Variants in NOL10 observed in about 807,000 individuals in gnomAD.
NOL10 encodes nucleolar protein 10.
In NOL10, 58 loss-of-function variants were observed where a neutral mutation model predicts 103.5. The ratio of observed to expected loss-of-function variants is 0.56; its 90% CI spans 0.45 to 0.70. The LOEUF is 0.70. Ranked by LOEUF, NOL10 falls within the 30% of genes least tolerant of loss-of-function variation. The probability of loss-of-function intolerance (pLI) is 0.00; values close to 1 mark genes in which losing one functional copy is unlikely to be tolerated. For synonymous variants in NOL10, 287 were observed against 282.5 expected, an observed-to-expected ratio of 1.02 and a Z score of -0.16; for missense variants, 763 against 807.3, an observed-to-expected ratio of 0.95 and a Z score of 0.67.
Position 10,587,172 on chromosome 2 carries a change from T to TATATATAC in NOL10, c.1844+1863_1844+1870dup, listed in dbSNP as rs1558270507. Among the ~76,000 whole-genome samples, 88 of 22,594 alleles carry TATATATAC rather than the reference T, an allele frequency of 3.9e-3. 25 individuals are homozygous for TATATATAC. Among genetic ancestry groups the TATATATAC allele is most frequent in the Non-Finnish European group, 6.6e-3 (60 of 9,038 alleles). The allele number at this position is 22,594 out of a possible 152,430, so 14.8% of individuals were successfully genotyped here. On this transcript the variant is annotated intron_variant, in intron 19 of 20. Coordinates refer to ENST00000381685, the MANE Select transcript of NOL10 (RefSeq NM_024894.4). Reference sequence around the variant, plus strand: ...ATACATATATACACATATATACACATATATATACACATATATATACACATA... The same window carrying TATATATAC: ...ATACATATATACACATATATACACATATATATACATATATACACATATATATACACATA...
rs1241990330 is a variant in NOL10, at chr2:10,682,872, C to T, written c.113-803G>A. Among the ~76,000 whole-genome samples, 3 of 152,180 alleles carry T rather than the reference C, an allele frequency of 2.0e-5. No homozygotes were observed. In the South Asian group the frequency reaches 6.2e-4, roughly 31 times the overall value. On this transcript the variant is annotated intron_variant, in intron 2 of 20. Transcript: ENST00000381685. ...CAATCCTGGCTCACAGCAACCTCCA[C>T]CTCCCAGGTTCAAGCAATTCTCCTG...
intron 20 of NOL10, among the ~76,000 whole-genome samples, chr2:10,575,991 A>G (rs1392951114): frequency 6.6e-6 from 1 of 152,206 alleles, no homozygotes; most frequent in East Asian, 1.9e-4. Context: ...AGAATAATGA[A>G]GTTTTTTATT....
At chr2:10,689,743 G>C in intron 1 of NOL10, 53 bp downstream of exon 1, 1 of 1,529,078 alleles carries the variant, frequency 6.5e-7, no homozygotes, top group Non-Finnish European at 8.9e-7. Flanking sequence ...GCTGCCCCAC[G>C]AGGAGGACGA....
chr2:10,638,877 A>G (rs2148268470), intron 13 of NOL10, among the ~76,000 whole-genome samples: 1 of 130,046 alleles, frequency 7.7e-6, no homozygotes, highest in South Asian at 2.5e-4. Flanking sequence ...GTCTCGGCTC[A>G]CTGCACCCTC....
chr2:10,597,701 CA>C (rs1675768269), intron 17 of NOL10, among the ~76,000 whole-genome samples: 2 of 152,122 alleles, frequency 1.3e-5, no homozygotes, highest in Admixed American at 6.5e-5. Flanking sequence ...AAGTCACCAA[CA>C]AGAAGATTAG....
intron 13 of NOL10, among the ~76,000 whole-genome samples, chr2:10,612,883 A>G (rs1396931951): frequency 6.6e-6 from 1 of 151,950 alleles, no homozygotes; most frequent in African/African-American, 2.4e-5. Flanking sequence ...TAAAAAATTA[A>G]CCAGGTATGG....
intron 13 of NOL10, among the ~76,000 whole-genome samples, chr2:10,613,552 C>T (rs1447814865): frequency 6.6e-6 from 1 of 152,178 alleles, no homozygotes; most frequent in Non-Finnish European, 1.5e-5. Flanking sequence ...AACTGCCACA[C>T]TAAATAGTAA....
rs1295216721 is a variant in NOL10 at position 10,644,218 on chromosome 2, A to G, written c.1026+102T>C. 1.2e-5 allele frequency: 10 copies of G among 820,200 alleles called. No homozygotes were observed. In the Admixed American group the frequency reaches 2.8e-4, roughly 23 times the overall value. The allele number at this position is 820,200 out of a possible 1,614,324, so 50.8% of individuals were successfully genotyped here. A position where few individuals can be genotyped will look rare whatever the true frequency, so the allele number is the denominator to read the frequency against. ...GGCTGAGGCTGCACCACTGCACCCC[A>G]GCATCGGTGATCGCCAGACTCCGTC... On this transcript the variant is annotated intron_variant, in intron 13 of 20. Coordinates refer to ENST00000381685, the MANE Select transcript of NOL10 (RefSeq NM_024894.4).
intron 13 of NOL10, among the ~76,000 whole-genome samples, chr2:10,629,581 T>C (rs1308810499): frequency 1.3e-5 from 2 of 152,196 alleles, no homozygotes; most frequent in African/African-American, 4.8e-5. Context: ...GAGTGCGCCT[T>C]GATGATATAA....
chr2:10,683,814 T>C (rs770049092), intron 2 of NOL10, among the ~76,000 whole-genome samples: 1 of 152,224 alleles, frequency 6.6e-6, no homozygotes, highest in Non-Finnish European at 1.5e-5. Flanking sequence ...ATGCTGATGT[T>C]CATGCTATCT....
At chr2:10,677,871 G>GTGTGTGTGTGTGTGTA (rs201387297) in intron 3 of NOL10, among the ~76,000 whole-genome samples, 142 of 145,998 alleles carry the variant, frequency 9.7e-4, no homozygotes, top group Middle Eastern at 3.5e-3. Context: ...GTGTGTGTGT[G>GTGTGTGTGTGTGTGTA]TATACACATA....
In NOL10 at chr2:10,624,819, C is replaced by G. The variant is rs911566829; in HGVS notation, c.1027-17508G>C. Among the ~76,000 whole-genome samples, 6 of 152,108 alleles carry G rather than the reference C, an allele frequency of 3.9e-5. No homozygotes were observed. In the East Asian group the frequency reaches 9.6e-4, roughly 24 times the overall value. ...ACTTATGTGCACATAAGAACCTACA[C>G]GAGAATGTTTAGAGCGGCTTTATTC... On this transcript the variant is annotated intron_variant, in intron 13 of 20. Transcript: ENST00000381685.
intron 13 of NOL10, among the ~76,000 whole-genome samples, chr2:10,633,341 C>T (rs1338277709): frequency 1.3e-5 from 2 of 151,878 alleles, no homozygotes; most frequent in Non-Finnish European, 2.9e-5. Flanking sequence ...CAGGTGGGTA[C>T]CACCGCAAAA....
At chr2:10,687,142 G>A (rs1366571020) in intron 1 of NOL10, among the ~76,000 whole-genome samples, 1 of 145,874 alleles carries the variant, frequency 6.9e-6, no homozygotes, top group African/African-American at 2.4e-5. Context: ...GGGGTTCCAC[G>A]TGTAGTTTAG....
chr2:10,657,729 CA>C lies in NOL10; in HGVS notation c.906+12del, dbSNP rs34025768. ...AAATAAAGAAGCAAGTAATTTCAACCAAAAATACATACGGAGTTCTTATTCC... is the reference window on the plus strand; with the variant it reads ...AAATAAAGAAGCAAGTAATTTCAACCAAAATACATACGGAGTTCTTATTCC... On this transcript the variant is annotated intron_variant, in intron 11 of 20. Transcript: ENST00000381685. 2 of 1,543,146 alleles carry C rather than the reference CA, an allele frequency of 1.3e-6. No homozygotes were observed. The highest frequency in any genetic ancestry group is 1.2e-5 in the South Asian group (1 of 81,954).
intron 5 of NOL10, chr2:10,673,315 C>T: frequency 2.6e-6 from 1 of 391,886 alleles, no homozygotes; most frequent in Admixed American, 4.5e-5. Context: ...ATTAGATTGG[C>T]CAAAGGCTAT....
intron 20 of NOL10, among the ~76,000 whole-genome samples, chr2:10,577,131 G>A (rs971207267): frequency 1.2e-4 from 18 of 152,284 alleles, no homozygotes; most frequent in East Asian, 7.7e-4. Flanking sequence ...GAATGACCAC[G>A]GGCAGAGTAG....
intron 8 of NOL10, among the ~76,000 whole-genome samples, chr2:10,666,592 G>C (rs1680580691): frequency 6.6e-6 from 1 of 152,084 alleles, no homozygotes; most frequent in African/African-American, 2.4e-5. Context: ...GCCTCCCAAA[G>C]TGCTAGGATT....
chr2:10,638,154 C>T (rs1678397069), intron 13 of NOL10, among the ~76,000 whole-genome samples: 1 of 152,060 alleles, frequency 6.6e-6, no homozygotes, highest in Non-Finnish European at 1.5e-5. Flanking sequence ...GGCTTGGTGG[C>T]ACATGCCTGT....
Sources: gnomAD v4.1 joint callset for allele counts (sites outside exome capture counted in the v4.1 genomes callset) on GRCh38, gnomAD v4.1.1 for gene constraint, MANE v1.5 for transcripts, NCBI Gene and HGNC (gene_info 2026-07-23, HGNC 2026-07-21) for gene names.